The following PDE8B variants were observed in gnomAD, a reference collection of about 807,000 sequenced individuals.
PDE8B encodes the protein phosphodiesterase 8B.
A neutral mutation model predicts 101.3 loss-of-function variants in PDE8B; 26 were observed. The observed-to-expected ratio is 0.26, with a 90% CI of 0.19 to 0.36. The LOEUF is 0.36. Among genes scored for constraint, PDE8B ranks in the 10% least tolerant of loss-of-function variants. PDE8B has a pLI of 1.00. For missense variants in PDE8B, 810 were observed against 1,163.1 expected (o/e 0.70, Z 4.42); for synonymous variants, 424 against 429.3 (o/e 0.99, Z 0.15).
the PDE8B span, among the ~76,000 whole-genome samples, chr5:77,191,001 C>T: frequency 4.6e-5 from 7 of 152,310 alleles, no homozygotes; most frequent in South Asian, 1.2e-3. Flanking sequence ...AGTCCAAGAT[C>T]AAGGTGCTGT....
chr5:77,408,558 A>C (rs1046195923), intron 13 of PDE8B, among the ~76,000 whole-genome samples: 1 of 152,190 alleles, frequency 6.6e-6, no homozygotes, highest in Non-Finnish European at 1.5e-5. Context: ...TAGGTGTCCA[A>C]AGTCGTGGAG....
At chr5:77,209,877 G>A (rs1349810110), upstream of PDE8B, among the ~76,000 whole-genome samples, 1 of 152,232 alleles carries the variant, frequency 6.6e-6, no homozygotes, top group Admixed American at 6.5e-5. Context: ...GTGTTCAAGG[G>A]TGCCTTCCTC....
At chr5:77,271,558 T>C (rs1165791780) in intron 1 of PDE8B, among the ~76,000 whole-genome samples, 8 of 152,176 alleles carry the variant, frequency 5.3e-5, no homozygotes, top group African/African-American at 9.7e-5. Context: ...TGTTTTTTGA[T>C]GTGAAGAACT....
chr5:77,123,507 C>T, the PDE8B span, among the ~76,000 whole-genome samples: 1 of 152,102 alleles, frequency 6.6e-6, no homozygotes, highest in Non-Finnish European at 1.5e-5. Flanking sequence ...CCTGTAATCC[C>T]AGCACTTTGG....
intron 1 of PDE8B, among the ~76,000 whole-genome samples, chr5:77,226,811 G>T (rs1379028733): frequency 6.6e-6 from 1 of 152,226 alleles, no homozygotes; most frequent in Admixed American, 6.5e-5. Context: ...TTTCAACCCA[G>T]CTATAGTTTC....
chr5:77,162,965 T>G, the PDE8B span, among the ~76,000 whole-genome samples: 1 of 152,218 alleles, frequency 6.6e-6, no homozygotes, highest in African/African-American at 2.4e-5. Context: ...TTAACCAGAC[T>G]TAAGGACTAA....
the PDE8B span, among the ~76,000 whole-genome samples, chr5:77,188,095 T>G: frequency 6.6e-6 from 1 of 152,204 alleles, no homozygotes; most frequent in South Asian, 2.1e-4. Context: ...AGACCATCTT[T>G]GTTGGAATAG....
At chr5:77,157,362 G>A in the PDE8B span, among the ~76,000 whole-genome samples, 1 of 152,160 alleles carries the variant, frequency 6.6e-6, no homozygotes, top group Non-Finnish European at 1.5e-5. Context: ...CCGGAGTGTG[G>A]GGACCCAGAA....
chr5:77,334,803 C>T (rs528571790), intron 5 of PDE8B, among the ~76,000 whole-genome samples: 31 of 152,256 alleles, frequency 2.0e-4, no homozygotes, highest in Non-Finnish European at 3.8e-4. Context: ...GTTAGATTTC[C>T]CAAGCTAGTG....
the PDE8B span, among the ~76,000 whole-genome samples, chr5:77,167,273 T>C: frequency 1.3e-5 from 2 of 152,182 alleles, no homozygotes; most frequent in Non-Finnish European, 2.9e-5. Context: ...TTCTTTGAAG[T>C]CAGATGCCCC....
At chr5:77,289,399 TTAGA>T (rs1213839372) in intron 1 of PDE8B, among the ~76,000 whole-genome samples, 3 of 152,232 alleles carry the variant, frequency 2.0e-5, no homozygotes. Flanking sequence ...GAATCATGAA[TTAGA>T]TACTGGGAAT....
chr5:77,225,648 C>T (rs1050732056), intron 1 of PDE8B, among the ~76,000 whole-genome samples: 2 of 152,038 alleles, frequency 1.3e-5, no homozygotes, highest in Non-Finnish European at 2.9e-5. Context: ...TTTAAGTGGA[C>T]ATAGCCAGGA....
intron 2 of PDE8B, among the ~76,000 whole-genome samples, chr5:77,312,796 T>C (rs1014826479): frequency 8.0e-5 from 12 of 150,442 alleles, no homozygotes; most frequent in Admixed American, 6.6e-4. Context: ...TGTGTGGGAA[T>C]AGAAGATGAT....
intron 1 of PDE8B, among the ~76,000 whole-genome samples, chr5:77,241,493 A>G (rs1000913856): frequency 2.0e-5 from 3 of 152,242 alleles, no homozygotes; most frequent in African/African-American, 7.2e-5. Flanking sequence ...TGAGCACCAC[A>G]TGAAGAGCAT....
intron 10 of PDE8B, among the ~76,000 whole-genome samples, chr5:77,356,614 G>A (rs1782152754): frequency 6.6e-6 from 1 of 152,074 alleles, no homozygotes; most frequent in Non-Finnish European, 1.5e-5. Flanking sequence ...ATTTTTTGTG[G>A]AGATAGGGTT....
At position 77,353,334 on chromosome 5, in the gene PDE8B, A is replaced by G; in HGVS notation, c.1107-12A>G. 15 of 1,464,438 alleles carry G rather than the reference A, an allele frequency of 1.0e-5. No homozygotes were observed. Among genetic ancestry groups the G allele is most frequent in the Non-Finnish European group, 1.4e-5 (15 of 1,043,488 alleles). The allele number at this position is 1,464,438 out of a possible 1,614,324, so 90.7% of individuals were successfully genotyped here. ...ATATCTGACTCACTAATAACTGATTATTTGTTATTAGGAAAATTAGGCATT... is the reference window on the plus strand; with the variant it reads ...ATATCTGACTCACTAATAACTGATTGTTTGTTATTAGGAAAATTAGGCATT... On this transcript the variant is annotated splice_polypyrimidine_tract_variant and intron_variant, in intron 9 of 21. Transcript: ENST00000264917.
chr5:77,180,715 G>A, the PDE8B span, among the ~76,000 whole-genome samples: 1 of 152,214 alleles, frequency 6.6e-6, no homozygotes, highest in South Asian at 2.1e-4. Context: ...GTAACCGTCA[G>A]GTTTATTATT....
intron 1 of PDE8B, among the ~76,000 whole-genome samples, chr5:77,254,640 A>G (rs1758743859): frequency 6.6e-6 from 1 of 152,068 alleles, no homozygotes; most frequent in Non-Finnish European, 1.5e-5. Flanking sequence ...TGTGAAATAC[A>G]GTTGAACAAT....
chr5:77,169,434 C>T, the PDE8B span, among the ~76,000 whole-genome samples: 115 of 152,190 alleles, frequency 7.6e-4, 3 homozygotes, highest in South Asian at 0.023. Flanking sequence ...TGAGGTGGAC[C>T]CCAAGAATTT....
Sources: gnomAD v4.1 joint callset for allele counts (sites outside exome capture counted in the v4.1 genomes callset) on GRCh38, gnomAD v4.1.1 for gene constraint, MANE v1.5 for transcripts, NCBI Gene and HGNC (gene_info 2026-07-23, HGNC 2026-07-21) for gene names.